The following SEPTIN8 variants were observed in gnomAD, a reference collection of about 807,000 sequenced individuals.
SEPTIN8 encodes the protein septin 8.
SEPTIN8 carries 22 observed loss-of-function variants against 53.1 expected under a neutral mutation model. The ratio of observed to expected loss-of-function variants is 0.41; its 90% CI spans 0.30 to 0.59. The LOEUF is 0.59. SEPTIN8 is among the 20% of genes least tolerant of loss of function. The pLI, the probability that SEPTIN8 is intolerant of heterozygous loss-of-function variation, is 0.24. For missense variants in SEPTIN8, 536 were observed against 638.7 expected, an observed-to-expected ratio of 0.84 and a Z score of 1.73; for synonymous variants, 228 against 248.4, an observed-to-expected ratio of 0.92 and a Z score of 0.77.
Position 132,760,900 on chromosome 5 carries a change from G to A in SEPTIN8, c.1188C>T (p.Asn396=), listed in dbSNP as rs367782279. Residue 396 remains asparagine, a synonymous_variant, in exon 9 of 10, where the codon AAC becomes AAT. Coordinates refer to ENST00000378719, the MANE Select transcript of SEPTIN8 (RefSeq NM_001098811.2). The surrounding 1 kb of genome is among the most constrained non-coding windows in gnomAD (Gnocchi z 5.2). ...CCGCAGCCTTCCGGCGATTGAAGGC[G>A]TTGGTCTCCTCCTCCAGTTCCCGGC... ...EKRRELEEET[N]AFNRRKAAVE... 8.9e-5 allele frequency: 144 copies of A among 1,611,100 alleles called. No homozygotes were observed. Among genetic ancestry groups the A allele is most frequent in the East Asian group, 1.8e-4 (8 of 44,870 alleles).
intron 9 of SEPTIN8, chr5:132,758,779 A>G (rs1421328543): frequency 5.0e-6 from 8 of 1,613,978 alleles, no homozygotes; most frequent in Admixed American, 1.7e-5. Context: ...TTAACACATG[A>G]AAGTCTAAAG....
rs78765322 is a variant in SEPTIN8, at chr5:132,776,783, C to T, written c.30+325G>A. ...GATAGGGTCCGGAGTGTCCCGGACC[C>T]TCACCTGCGGCCCCGCGGGCGCCAC... On this transcript the variant is annotated intron_variant, in intron 1 of 9. Transcript: ENST00000378719. This position sits in a 1 kb window ranked among gnomAD's most constrained non-coding sequence, Gnocchi z 4.4. 0.026 allele frequency among the ~76,000 whole-genome samples: 3,924 copies of T among 152,258 alleles called. 89 individuals carry two copies. Among genetic ancestry groups the T allele is most frequent in the Non-Finnish European group, 0.037 (2,516 of 67,996 alleles).
intron 2 of SEPTIN8, among the ~76,000 whole-genome samples, chr5:132,765,012 G>C (rs903594495): frequency 6.6e-6 from 1 of 151,916 alleles, no homozygotes; most frequent in African/African-American, 2.4e-5. Context: ...GTTCACATGC[G>C]TGCTGGAGCA....
chr5:132,771,412 G>C (rs1221974128), intron 1 of SEPTIN8, among the ~76,000 whole-genome samples: 2 of 152,168 alleles, frequency 1.3e-5, no homozygotes, highest in African/African-American at 4.8e-5. Flanking sequence ...AATGGACAAA[G>C]AGCAGCCCCC....
chr5:132,776,940 C>A lies in SEPTIN8; in HGVS notation c.30+168G>T, dbSNP rs866893746. Among the ~76,000 whole-genome samples the A allele has an allele frequency of 5.1e-4, 77 of 152,190 alleles. 1 individual carries two copies. The highest frequency in any genetic ancestry group is 6.8e-3 in the Middle Eastern group (2 of 294). ...GGCAGGCCGCCCGACGCTCCGGGAC[C>A]CCCCGATAGCGCGGCCGAGAGCCCG... On this transcript the variant is annotated intron_variant, in intron 1 of 9. Transcript: ENST00000378719. The surrounding 1 kb of genome is among the most constrained non-coding windows in gnomAD (Gnocchi z 4.4).
At chr5:132,764,163 T>A in intron 3 of SEPTIN8, 61 bp downstream of exon 3, 1 of 1,527,364 alleles carries the variant, frequency 6.5e-7, no homozygotes, top group Non-Finnish European at 8.9e-7. Flanking sequence ...GCTACTGTTA[T>A]AGGGGCCAAT....
chr5:132,760,589 A>G lies in SEPTIN8; in HGVS notation c.1286+213T>C, dbSNP rs1382181166. 2.0e-5 allele frequency among the ~76,000 whole-genome samples: 3 copies of G among 151,974 alleles called. No individual in the cohort carries two copies. The highest frequency in any genetic ancestry group is 6.5e-5 in the Admixed American group (1 of 15,276). On this transcript the variant is annotated intron_variant, in intron 9 of 9. Transcript: ENST00000378719. The surrounding 1 kb of genome is among the most constrained non-coding windows in gnomAD (Gnocchi z 5.2). ...GTGCAAGTGAGACTGCATGAGTATC[A>G]GAGCAATCCAGACGGCGAGACACTG...
chr5:132,778,238 C>T (rs1037734729), upstream of SEPTIN8: 2 of 308,474 alleles, frequency 6.5e-6, no homozygotes, highest in Non-Finnish European at 9.5e-6. Context: ...CCCCCTACCC[C>T]CCACTGGCCT....
chr5:132,764,351 C>CACGCA lies in SEPTIN8; in HGVS notation c.219_220insTGCGT (p.Ala74CysfsTer28), dbSNP rs752613477. 1.2e-6 allele frequency: 2 copies of CACGCA among 1,614,120 alleles called. No homozygotes were observed. Among genetic ancestry groups the CACGCA allele is most frequent in the African/African-American group, 1.3e-5 (1 of 74,956 alleles). ...CGCACGCATGCCTCATGGTGACTGG[C>CACGCA]TTCCTCAGTCTCGAAGGTCGTGTTG... On this transcript the variant is annotated frameshift_variant, in exon 3 of 10. Transcript: ENST00000378719. LOFTEE classifies it high-confidence loss of function.
chr5:132,756,439 A>T, intron 9 of SEPTIN8: 1 of 985,464 alleles, frequency 1.0e-6, no homozygotes, highest in Non-Finnish European at 1.2e-6. Context: ...ACATGATAGT[A>T]AATGCCAACA....
At chr5:132,771,575 T>C (rs966972482) in intron 1 of SEPTIN8, among the ~76,000 whole-genome samples, 1 of 152,152 alleles carries the variant, frequency 6.6e-6, no homozygotes, top group Admixed American at 6.5e-5. Flanking sequence ...GGGGTGGCCC[T>C]ATTAAGTAAC....
At position 132,764,266 on chromosome 5, in the gene SEPTIN8, A is replaced by T; in HGVS notation, c.305T>A (p.Val102Glu). The change falls in exon 3 of 10, where the codon GTG becomes GAG. Residue 102 changes from valine (V) to glutamate (E), a missense_variant. Transcript: ENST00000378719. ...CTGATCCCCAAAGCCCACGGCATCCACAATGGTCAGCTTGAGCTGCACGTT... is the reference window on the plus strand; with the variant it reads ...CTGATCCCCAAAGCCCACGGCATCCTCAATGGTCAGCTTGAGCTGCACGTT... ...ESNVQLKLTI[V>E]DAVGFGDQIN... 6.2e-7 allele frequency: 1 copy of T among 1,614,124 alleles called. No individual in the cohort carries two copies. Among genetic ancestry groups the T allele is most frequent in the Non-Finnish European group, 8.5e-7 (1 of 1,180,004 alleles).
intron 9 of SEPTIN8, among the ~76,000 whole-genome samples, chr5:132,754,805 C>CAATCT (rs1755188181): frequency 6.6e-6 from 1 of 152,134 alleles, no homozygotes; most frequent in African/African-American, 2.4e-5. Context: ...AATATGGATA[C>CAATCT]AATCTATTTT....
intron 1 of SEPTIN8, 60 bp from the exon 2 acceptor site, chr5:132,765,589 G>C (rs1374246923): frequency 3.9e-6 from 6 of 1,522,572 alleles, no homozygotes; most frequent in Non-Finnish European, 4.4e-6. Context: ...TCAAGCTGCG[G>C]GGTGGGCGCT....
At chr5:132,754,271 A>G (rs1755134647) in intron 9 of SEPTIN8, 1 of 641,110 alleles carries the variant, frequency 1.6e-6, no homozygotes, top group East Asian at 2.7e-5. Flanking sequence ...CCTCTAGTCC[A>G]GAACCCATTT....
chr5:132,752,928 G>A, intron 9 of SEPTIN8: 1 of 1,614,188 alleles, frequency 6.2e-7, no homozygotes, highest in Non-Finnish European at 8.5e-7. Flanking sequence ...GAAGTCTTCA[G>A]TCATCCTCCT....
intron 9 of SEPTIN8, chr5:132,758,991 A>G (rs1755620815): frequency 1.3e-6 from 1 of 760,424 alleles, no homozygotes; most frequent in South Asian, 1.5e-5. Flanking sequence ...GTGGTGTCCC[A>G]GGCTAAGGGT....
chr5:132,760,183 A>T lies in SEPTIN8; in HGVS notation c.1286+619T>A, dbSNP rs1561744743. Among the ~76,000 whole-genome samples the T allele has an allele frequency of 6.6e-6, 1 of 152,082 alleles. No homozygotes were observed. Among genetic ancestry groups the T allele is most frequent in the Non-Finnish European group, 1.5e-5 (1 of 68,018 alleles). On this transcript the variant is annotated intron_variant, in intron 9 of 9. Coordinates refer to ENST00000378719, the MANE Select transcript of SEPTIN8 (RefSeq NM_001098811.2). The surrounding 1 kb of genome is among the most constrained non-coding windows in gnomAD (Gnocchi z 5.2). Reference sequence around the variant, plus strand: ...AGTGTTGGCTGGCGCGAGTGCCCGCAGTTCTCCATCACCACCTGCCAGCCA... The same window carrying T: ...AGTGTTGGCTGGCGCGAGTGCCCGCTGTTCTCCATCACCACCTGCCAGCCA...
At chr5:132,764,110 T>TC (rs1756309939) in intron 3 of SEPTIN8, 114 bp downstream of exon 3, 5 of 1,168,658 alleles carry the variant, frequency 4.3e-6, no homozygotes, top group Non-Finnish European at 6.0e-6. Flanking sequence ...CCTCAGATAT[T>TC]CCCCAAGAGG....
Sources: gnomAD v4.1 joint callset for allele counts (sites outside exome capture counted in the v4.1 genomes callset) on GRCh38, gnomAD v4.1.1 for gene constraint, Gnocchi (gnomAD v3.1) non-coding constraint, MANE v1.5 for transcripts, NCBI Gene and HGNC (gene_info 2026-07-23, HGNC 2026-07-21) for gene names.